FAM91A1: variants seen among roughly 807,000 people sequenced by gnomAD.
The protein encoded by FAM91A1 is family with sequence similarity 91 member A1.
In FAM91A1, 41 loss-of-function variants were observed where a neutral mutation model predicts 113.5. That is an observed-to-expected ratio of 0.36 (90% CI 0.28 to 0.47). The LOEUF (loss-of-function observed/expected upper bound fraction) is 0.47. Ranked by LOEUF, FAM91A1 falls within the 20% of genes least tolerant of loss-of-function variation. The probability of loss-of-function intolerance (pLI) is 1.00; values close to 1 mark genes in which losing one functional copy is unlikely to be tolerated. For missense variants in FAM91A1, 696 were observed against 1,001.2 expected, an observed-to-expected ratio of 0.70 and a Z score of 4.11; for synonymous variants, 307 against 347.9, an observed-to-expected ratio of 0.88 and a Z score of 1.31.
chr8:123,785,031 G>A (rs1298559826), intron 9 of FAM91A1, 50 bp from the exon 10 acceptor site: 2 of 1,380,018 alleles, frequency 1.4e-6, no homozygotes, highest in Middle Eastern at 1.9e-4. Flanking sequence ...ACTGTGTAAT[G>A]TGCTGTTAAT....
chr8:123,805,032 G>A (rs1034393156), intron 18 of FAM91A1, among the ~76,000 whole-genome samples: 3 of 152,036 alleles, frequency 2.0e-5, no homozygotes, highest in Non-Finnish European at 2.9e-5. Flanking sequence ...TGTTAAATTG[G>A]CCTCCTTTTT....
rs192785596 is a variant in FAM91A1 at position 123,798,688 on chromosome 8, T to A, written c.1560+450T>A. Among the ~76,000 whole-genome samples, 1,386 of 152,308 alleles carry A rather than the reference T, an allele frequency of 9.1e-3. 16 individuals carry two copies. The highest frequency in any genetic ancestry group is 0.014 in the Non-Finnish European group (964 of 68,018). On this transcript the variant is annotated intron_variant, in intron 16 of 23. Transcript: ENST00000334705. ...TCTGGACTTTTACTTAAAAAATATA[T>A]ATATATCAGTTGTATTCATTTGTAT...
intron 15 of FAM91A1, among the ~76,000 whole-genome samples, chr8:123,797,671 C>T (rs1040974608): frequency 6.6e-6 from 1 of 152,040 alleles, no homozygotes; most frequent in Admixed American, 6.6e-5. Context: ...GGTAAGGCTT[C>T]GAGTCAGCAG....
At position 123,805,343 on chromosome 8, in the gene FAM91A1, C is replaced by G. The variant is rs371762496; in HGVS notation, c.1882+4C>G. The stretch of plus-strand genomic sequence containing the variant: ...GATGAAACAGAACTACAAGGAGGTA[C>G]CTTTTGAATTGTATCTATTGACTTT... On this transcript the variant is annotated splice_donor_region_variant and intron_variant, in intron 19 of 23. Transcript: ENST00000334705. The G allele has an allele frequency of 1.7e-5, 28 of 1,601,726 alleles. No homozygotes were observed. In the Middle Eastern group the frequency reaches 5.0e-4, roughly 29 times the overall value.
chr8:123,795,286 T>A (rs1181397914), intron 15 of FAM91A1, among the ~76,000 whole-genome samples: 1 of 152,148 alleles, frequency 6.6e-6, no homozygotes, highest in Non-Finnish European at 1.5e-5. Context: ...TGTGTGTGTG[T>A]CCCCACCCAA....
chr8:123,786,888 G>A lies in FAM91A1; in HGVS notation c.1078+278G>A, dbSNP rs1815272511. On this transcript the variant is annotated intron_variant, in intron 12 of 23. Transcript: ENST00000334705. ...GCACCAATTATAATGCTTGTAGGGTGCAAAGAGGAAGAGACCCTTAATTGG... is the reference window on the plus strand; with the variant it reads ...GCACCAATTATAATGCTTGTAGGGTACAAAGAGGAAGAGACCCTTAATTGG... Among the ~76,000 whole-genome samples the A allele has an allele frequency of 2.0e-5, 3 of 152,174 alleles. No individual in the cohort carries two copies. In the South Asian group the frequency reaches 6.2e-4, roughly 31 times the overall value.
chr8:123,773,206 T>C (rs1222947702), intron 1 of FAM91A1, among the ~76,000 whole-genome samples: 2 of 152,248 alleles, frequency 1.3e-5, no homozygotes, highest in African/African-American at 4.8e-5. Flanking sequence ...TTGTGAAGAT[T>C]GCCTTAAGTG....
chr8:123,778,076 A>G lies in FAM91A1; in HGVS notation c.419A>G (p.Gln140Arg), dbSNP rs1815031293. 6.2e-7 allele frequency: 1 copy of G among 1,612,094 alleles called. No individual in the cohort carries two copies. The highest frequency in any genetic ancestry group is 8.5e-7 in the Non-Finnish European group (1 of 1,179,004). ...AACCAGTATATTGATCTTATGAATC[A>G]GTGTAGATCATCAAAAGTAAGTTAG... The part of the protein sequence containing the change: ...GRNQYIDLMN[Q>R]CRSSKKFFRR... The change falls in exon 5 of 24, where the codon CAG becomes CGG. Residue 140 changes from glutamine (Q) to arginine (R), a missense_variant. Coordinates refer to ENST00000334705, the MANE Select transcript of FAM91A1 (RefSeq NM_144963.4).
chr8:123,808,176 C>G, intron 20 of FAM91A1, 96 bp from the exon 21 acceptor site: 1 of 951,644 alleles, frequency 1.1e-6, no homozygotes, highest in Non-Finnish European at 1.6e-6. Flanking sequence ...GTCATCATTA[C>G]TATTGTCTGA....
At chr8:123,794,821 A>C (rs1317459846) in intron 15 of FAM91A1, among the ~76,000 whole-genome samples, 1 of 152,240 alleles carries the variant, frequency 6.6e-6, no homozygotes, top group Non-Finnish European at 1.5e-5. Flanking sequence ...AAAAAGTTGA[A>C]TTGCGTGGTA....
intron 15 of FAM91A1, 136 bp from the exon 16 acceptor site, chr8:123,797,954 G>T: frequency 2.1e-6 from 2 of 953,268 alleles, no homozygotes; most frequent in Non-Finnish European, 3.1e-6. Context: ...TAGGAAATTT[G>T]GTACTTCTTA....
intron 8 of FAM91A1, among the ~76,000 whole-genome samples, chr8:123,781,138 T>C (rs1031426728): frequency 9.9e-5 from 15 of 152,232 alleles, no homozygotes; most frequent in African/African-American, 3.1e-4. Context: ...TGCTTTTTTT[T>C]CTATAGGTTA....
At chr8:123,784,869 G>A (rs181480454) in intron 9 of FAM91A1, 111 of 428,308 alleles carry the variant, frequency 2.6e-4, no homozygotes, top group Non-Finnish European at 4.0e-4. Context: ...AAAGAGTAAG[G>A]AATCTTAAAT....
chr8:123,783,131 C>T (rs1006587462), intron 8 of FAM91A1, among the ~76,000 whole-genome samples: 6 of 151,928 alleles, frequency 3.9e-5, no homozygotes, highest in Non-Finnish European at 7.4e-5. Flanking sequence ...AGCCACAATC[C>T]CCACCCTGCA....
chr8:123,778,488 A>G (rs1014593693), intron 5 of FAM91A1, among the ~76,000 whole-genome samples, 171 bp from the exon 6 acceptor site: 7 of 152,354 alleles, frequency 4.6e-5, no homozygotes, highest in East Asian at 1.9e-4. Context: ...CAATTTAAGA[A>G]TGACTTTCTT....
intron 15 of FAM91A1, among the ~76,000 whole-genome samples, chr8:123,794,012 A>C (rs748066135): frequency 6.6e-6 from 1 of 152,198 alleles, no homozygotes; most frequent in Non-Finnish European, 1.5e-5. Context: ...CACATTTCCA[A>C]ATGAGGAGCT....
rs750880960 is a variant in FAM91A1, at chr8:123,808,268, T to C, written c.2033-4T>C. On this transcript the variant is annotated splice_polypyrimidine_tract_variant and splice_region_variant and intron_variant, in intron 20 of 23. Coordinates refer to ENST00000334705, the MANE Select transcript of FAM91A1 (RefSeq NM_144963.4). ...TAATATTGTGTATGCCCTTTAATTA[T>C]AAGGAGAACCTGATTTGGCTTCTGG... 6 of 1,610,920 alleles carry C rather than the reference T, an allele frequency of 3.7e-6. No homozygotes were observed. Among genetic ancestry groups the C allele is most frequent in the Non-Finnish European group, 4.2e-6 (5 of 1,178,784 alleles).
Position 123,814,356 on chromosome 8 carries a change from G to A in FAM91A1, c.*1652G>A, listed in dbSNP as rs1477731706. On this transcript the variant is annotated 3_prime_UTR_variant, in exon 24 of 24. Transcript: ENST00000334705. The stretch of plus-strand genomic sequence containing the variant: ...AAAGTTGTAAGTATTTTTTTTTTTT[G>A]ATCGGGGCTCTTTAATCTCATTTTA... The A allele has an allele frequency of 6.0e-5, 12 of 201,470 alleles. No individual in the cohort carries two copies. Among genetic ancestry groups the A allele is most frequent in the Admixed American group, 6.9e-5 (1 of 14,488 alleles). The allele number at this position is 201,470 out of a possible 1,614,324, so 12.5% of individuals were successfully genotyped here. A position where few individuals can be genotyped will look rare whatever the true frequency, so the allele number is the denominator to read the frequency against.
At chr8:123,806,341 C>T in intron 20 of FAM91A1, 112 bp downstream of exon 20, 1 of 1,141,190 alleles carries the variant, frequency 8.8e-7, no homozygotes, top group Non-Finnish European at 1.2e-6. Flanking sequence ...ATTGAATACT[C>T]AATATTCTTT....
Sources: allele counts gnomAD v4.1 joint callset (sites outside exome capture counted in the v4.1 genomes callset), GRCh38; gene constraint gnomAD v4.1.1; transcripts MANE v1.5; gene names NCBI Gene and HGNC (gene_info 2026-07-23, HGNC 2026-07-21).